The following PHF21A variants were observed in gnomAD, a reference collection of about 807,000 sequenced individuals.
PHF21A encodes the protein PHD finger protein 21A.
In PHF21A, 11 loss-of-function variants were observed where a neutral mutation model predicts 82.5. The ratio of observed to expected loss-of-function variants is 0.13; its 90% CI spans 0.08 to 0.22. The LOEUF (loss-of-function observed/expected upper bound fraction) is 0.22. Among genes scored for constraint, PHF21A ranks in the 10% least tolerant of loss-of-function variants. The probability of loss-of-function intolerance (pLI) is 1.00; values close to 1 mark genes in which losing one functional copy is unlikely to be tolerated. For synonymous variants in PHF21A, 297 were observed against 302.8 expected, an observed-to-expected ratio of 0.98 and a Z score of 0.20; for missense variants, 579 against 837.8, an observed-to-expected ratio of 0.69 and a Z score of 3.81.
intron 4 of PHF21A, 25 bp downstream of exon 4, chr11:46,084,141 G>A (rs1321242374): frequency 1.3e-6 from 2 of 1,549,206 alleles, no homozygotes; most frequent in Non-Finnish European, 1.8e-6. Context: ...ACAACAGTGT[G>A]GGAGAAGCCA....
At chr11:46,042,389 A>C (rs1024701486) in intron 6 of PHF21A, among the ~76,000 whole-genome samples, 5 of 152,164 alleles carry the variant, frequency 3.3e-5, no homozygotes, top group African/African-American at 1.2e-4. Context: ...GTGATAGTGC[A>C]ACTCCGGAAA....
At chr11:46,016,182 C>T (rs918195665) in intron 6 of PHF21A, among the ~76,000 whole-genome samples, 13 of 152,146 alleles carry the variant, frequency 8.5e-5, no homozygotes, top group Middle Eastern at 3.2e-3. Context: ...TCTTATGGGA[C>T]CACCATCATA....
chr11:46,098,244 C>T (rs750249619), intron 1 of PHF21A, among the ~76,000 whole-genome samples: 1 of 152,198 alleles, frequency 6.6e-6, no homozygotes, highest in Non-Finnish European at 1.5e-5. Flanking sequence ...CCACAATTCA[C>T]AGATGGGTGT....
chr11:45,939,438 A>G (rs1554976590), intron 15 of PHF21A, among the ~76,000 whole-genome samples: 2 of 152,244 alleles, frequency 1.3e-5, no homozygotes, highest in Non-Finnish European at 2.9e-5. Flanking sequence ...ATGGGAAAAT[A>G]TTAAGTCAGA....
At chr11:46,020,827 T>A (rs2095613408) in intron 6 of PHF21A, among the ~76,000 whole-genome samples, 1 of 152,242 alleles carries the variant, frequency 6.6e-6, no homozygotes, top group Admixed American at 6.5e-5. Context: ...TACAATAGTT[T>A]GATTTACAGT....
intron 18 of PHF21A, chr11:45,934,429 G>A (rs1297628936): frequency 7.3e-6 from 4 of 549,142 alleles, no homozygotes; most frequent in Non-Finnish European, 1.3e-5. Context: ...TAGGCTGGGG[G>A]GTCCCAGGTC....
chr11:46,099,560 A>ACACACACC (rs369043301), intron 1 of PHF21A, among the ~76,000 whole-genome samples: 11 of 146,062 alleles, frequency 7.5e-5, no homozygotes, highest in African/African-American at 2.7e-4. Flanking sequence ...ACACACACAC[A>ACACACACC]CACCCTAAAC....
At chr11:45,981,823 A>G (rs16938426) in intron 6 of PHF21A, among the ~76,000 whole-genome samples, 3,750 of 152,018 alleles carry the variant, frequency 0.025, 123 homozygotes, top group African/African-American at 0.073. Flanking sequence ...CTCATTTAAC[A>G]TATTTGAACA....
intron 6 of PHF21A, among the ~76,000 whole-genome samples, chr11:46,052,894 T>C (rs1006438173): frequency 6.6e-6 from 1 of 152,220 alleles, no homozygotes; most frequent in Non-Finnish European, 1.5e-5. Context: ...AAATTAACAG[T>C]TCCATCTTCA....
chr11:45,951,499 GTAAGAAAAAGCAGTCT>G (rs2092107151), intron 11 of PHF21A, among the ~76,000 whole-genome samples: 2 of 152,184 alleles, frequency 1.3e-5, no homozygotes, highest in African/African-American at 4.8e-5. Flanking sequence ...GATTAGTCTG[GTAAGAAAAAGCAGTCT>G]TGGACTTTCC....
intron 10 of PHF21A, among the ~76,000 whole-genome samples, chr11:45,962,535 T>TA (rs1345951511): frequency 2.6e-5 from 4 of 152,080 alleles, no homozygotes; most frequent in African/African-American, 9.7e-5. Flanking sequence ...CTAAGACTAT[T>TA]ATGCCAGGCT....
At chr11:46,099,193 G>C (rs1185623340) in intron 1 of PHF21A, among the ~76,000 whole-genome samples, 1 of 151,900 alleles carries the variant, frequency 6.6e-6, no homozygotes, top group Non-Finnish European at 1.5e-5. Context: ...AAAAATTAAA[G>C]CACAGTAAAC....
intron 6 of PHF21A, among the ~76,000 whole-genome samples, chr11:45,992,532 G>A (rs954596421): frequency 2.0e-5 from 3 of 152,190 alleles, no homozygotes; most frequent in African/African-American, 7.2e-5. Context: ...GGGTGACAGA[G>A]CGAGACTCCG....
intron 6 of PHF21A, among the ~76,000 whole-genome samples, chr11:46,022,265 C>A (rs1427999227): frequency 6.6e-6 from 1 of 151,952 alleles, no homozygotes; most frequent in Non-Finnish European, 1.5e-5. Flanking sequence ...CCAGTGTGGG[C>A]AACATAGCAA....
At chr11:45,946,092 T>C in intron 14 of PHF21A, 89 bp from the exon 15 acceptor site, 1 of 1,614,058 alleles carries the variant, frequency 6.2e-7, no homozygotes, top group Non-Finnish European at 8.5e-7. Context: ...CCAGTGTTCC[T>C]CATTGGCTAG....
chr11:45,937,738 C>T (rs2135110436), intron 16 of PHF21A, among the ~76,000 whole-genome samples: 2 of 152,314 alleles, frequency 1.3e-5, no homozygotes, highest in South Asian at 4.1e-4. Context: ...GCCTTGGCCT[C>T]CCAAAGTGCT....
chr11:45,940,673 G>GGCTA (rs1410825674), intron 15 of PHF21A, among the ~76,000 whole-genome samples: 2 of 81,280 alleles, frequency 2.5e-5, no homozygotes, highest in African/African-American at 8.0e-5. Flanking sequence ...TCAGGCTGAG[G>GGCTA]GCTACTCTTT....
chr11:45,952,097 G>A (rs1462795223), intron 11 of PHF21A, among the ~76,000 whole-genome samples: 2 of 152,104 alleles, frequency 1.3e-5, no homozygotes, highest in African/African-American at 4.8e-5. Context: ...GAGCCACCGC[G>A]CCCAGCCTAA....
intron 9 of PHF21A, among the ~76,000 whole-genome samples, chr11:45,968,181 G>A (rs1228774774): frequency 1.3e-5 from 2 of 152,192 alleles, no homozygotes; most frequent in Non-Finnish European, 2.9e-5. Flanking sequence ...TGTCTTAACT[G>A]TTCTTCCTGC....
Sources: gnomAD v4.1 joint callset for allele counts (sites outside exome capture counted in the v4.1 genomes callset) on GRCh38, gnomAD v4.1.1 for gene constraint, MANE v1.5 for transcripts, NCBI Gene and HGNC (gene_info 2026-07-23, HGNC 2026-07-21) for gene names.